ASAP2: variants seen among roughly 807,000 people sequenced by gnomAD.
ASAP2 encodes the protein arf-GAP with SH3 domain, ANK repeat and PH domain-containing protein 2.
A neutral mutation model predicts 131.4 loss-of-function variants in ASAP2; 45 were observed. The ratio of observed to expected loss-of-function variants is 0.34; its 90% CI spans 0.27 to 0.44. The LOEUF is 0.44. Ranked by LOEUF, ASAP2 falls within the 20% of genes least tolerant of loss-of-function variation. The pLI is 1.00. For synonymous variants in ASAP2, 510 were observed against 503.0 expected, an observed-to-expected ratio of 1.01 and a Z score of -0.19; for missense variants, 1,011 against 1,297.0, an observed-to-expected ratio of 0.78 and a Z score of 3.39.
At chr2:9,400,259 G>GCC (rs1275945701) in intron 25 of ASAP2, among the ~76,000 whole-genome samples, 187 bp downstream of exon 25, 5 of 94,010 alleles carry the variant, frequency 5.3e-5, no homozygotes, top group Non-Finnish European at 8.6e-5. Flanking sequence ...TTCCCCTCCT[G>GCC]CCCTCTTCCT....
intron 1 of ASAP2, among the ~76,000 whole-genome samples, chr2:9,228,336 A>G (rs1243224589): frequency 2.6e-5 from 4 of 152,088 alleles, no homozygotes; most frequent in Admixed American, 2.0e-4. Context: ...TCTTTTTTTC[A>G]CATCCTGCCT....
chr2:9,294,161 G>C lies in ASAP2; in HGVS notation c.200-3139G>C, dbSNP rs1197433003. Among the ~76,000 whole-genome samples the C allele has an allele frequency of 2.0e-5, 3 of 151,970 alleles. No homozygotes were observed. In the East Asian group the frequency reaches 5.8e-4, roughly 29 times the overall value. On this transcript the variant is annotated intron_variant, in intron 2 of 27. Transcript: ENST00000281419. ...TTACAGGCATGTGCCACCATGCCTG[G>C]CTAATTTTTGTATTTTTAGTAGAGA...
chr2:9,254,526 G>T (rs56035447), intron 1 of ASAP2, among the ~76,000 whole-genome samples: 88,755 of 103,462 alleles, frequency 0.86, 37,041 homozygotes, highest in East Asian at 0.98. Context: ...CTAATTTTTG[G>T]ATTTTTTTTT....
In ASAP2 at chr2:9,374,870, G is replaced by C. The variant is rs150271421; in HGVS notation, c.1672G>C (p.Asp558His). 6.2e-7 allele frequency: 1 copy of C among 1,613,590 alleles called. No individual in the cohort carries two copies. The highest frequency in any genetic ancestry group is 1.3e-5 in the African/African-American group (1 of 74,804). The change falls in exon 17 of 28, where the codon GAT (aspartate) becomes CAT (histidine). Residue 558 changes from aspartate (D) to histidine (H), a missense_variant. Physicochemically the swap from Asp to His is moderately conservative, Grantham distance 81 (BLOSUM62 -1). Around this residue, in one of 2 missense-constraint regions of ASAP2, gnomAD observed 652 missense variants for 698.9 expected, o/e 0.93. Coordinates refer to ENST00000281419, the MANE Select transcript of ASAP2 (RefSeq NM_003887.3). Reference protein sequence around the residue: ...HSLCEAVKTRDIFGLLQAYAD... With the variant: ...HSLCEAVKTRHIFGLLQAYAD... ...TCTTTGCGAGGCCGTCAAAACGAGA[G>C]ATATTTTTGGATTGCTCCAAGCTTA...
At chr2:9,361,146 G>A (rs965994614) in intron 15 of ASAP2, among the ~76,000 whole-genome samples, 1 of 152,218 alleles carries the variant, frequency 6.6e-6, no homozygotes, top group Non-Finnish European at 1.5e-5. Flanking sequence ...CACCCACAAT[G>A]AGAAATCAGC....
chr2:9,270,813 G>A (rs1398182321), intron 1 of ASAP2, among the ~76,000 whole-genome samples: 1 of 51,296 alleles, frequency 1.9e-5, no homozygotes, highest in African/African-American at 7.8e-5. Context: ...TTTTTTTTGA[G>A]ACGGAGTCTC....
chr2:9,317,243 A>G (rs564385786), intron 3 of ASAP2, among the ~76,000 whole-genome samples: 2 of 149,552 alleles, frequency 1.3e-5, no homozygotes, highest in South Asian at 4.3e-4. Context: ...AACCACACTC[A>G]TACACACCCC....
chr2:9,329,441 AGGCAAGTAG>A (rs566603827), intron 7 of ASAP2, among the ~76,000 whole-genome samples: 79 of 152,268 alleles, frequency 5.2e-4, no homozygotes, highest in African/African-American at 1.6e-3. Flanking sequence ...CTCATGGGGG[AGGCAAGTAG>A]GAAACACGAG....
intron 16 of ASAP2, among the ~76,000 whole-genome samples, chr2:9,372,104 C>T (rs1454285257): frequency 2.0e-5 from 3 of 152,212 alleles, no homozygotes; most frequent in Non-Finnish European, 4.4e-5. Flanking sequence ...AAAGGAAGTC[C>T]ACTTTCTCTC....
intron 1 of ASAP2, among the ~76,000 whole-genome samples, chr2:9,231,180 T>C (rs1013546773): frequency 3.3e-5 from 5 of 152,152 alleles, no homozygotes; most frequent in Non-Finnish European, 7.4e-5. Context: ...TTCTCTCTGC[T>C]GGAAGGGTTT....
intron 3 of ASAP2, among the ~76,000 whole-genome samples, chr2:9,312,722 G>C (rs950699300): frequency 1.3e-5 from 2 of 152,036 alleles, no homozygotes; most frequent in African/African-American, 4.8e-5. Flanking sequence ...CCATTCACCC[G>C]AGGGGAGAGG....
At chr2:9,357,668 A>C (rs1003401990) in intron 14 of ASAP2, among the ~76,000 whole-genome samples, 1 of 152,226 alleles carries the variant, frequency 6.6e-6, no homozygotes, top group East Asian at 1.9e-4. Context: ...TGTGGGTAAT[A>C]TAAAAATGAT....
chr2:9,222,009 T>C (rs1455254457), intron 1 of ASAP2, among the ~76,000 whole-genome samples: 1 of 151,884 alleles, frequency 6.6e-6, no homozygotes, highest in Non-Finnish European at 1.5e-5. Flanking sequence ...ACCATGGTCT[T>C]GATCTCCTGA....
chr2:9,229,788 A>G (rs1663027633), intron 1 of ASAP2, among the ~76,000 whole-genome samples: 1 of 152,164 alleles, frequency 6.6e-6, no homozygotes, highest in African/African-American at 2.4e-5. Context: ...AGAGGGGGAG[A>G]CAGGCTGTCT....
intron 1 of ASAP2, among the ~76,000 whole-genome samples, chr2:9,243,015 G>A (rs1052373734): frequency 4.6e-5 from 7 of 152,120 alleles, no homozygotes; most frequent in East Asian, 3.9e-4. Flanking sequence ...AAGTATTATC[G>A]GGAGAAGAAG....
Position 9,217,086 on chromosome 2 carries a change from G to C in ASAP2, c.126+9856G>C, listed in dbSNP as rs1177606019. Among the ~76,000 whole-genome samples, 1 of 152,156 alleles carries C rather than the reference G, an allele frequency of 6.6e-6. No individual in the cohort carries two copies. The highest frequency in any genetic ancestry group is 1.5e-5 in the Non-Finnish European group (1 of 68,036). The stretch of plus-strand genomic sequence containing the variant: ...TGAAGCCAGGATTCATTCAAATCAA[G>C]CATTTTGACACCAGAGTCTGCTATT... On this transcript the variant is annotated intron_variant, in intron 1 of 27. Coordinates refer to ENST00000281419, the MANE Select transcript of ASAP2 (RefSeq NM_003887.3). This position sits in a 1 kb window ranked among gnomAD's most constrained non-coding sequence, Gnocchi z 4.0.
At position 9,404,316 on chromosome 2, in the gene ASAP2, G is replaced by C. The variant is rs1677005797; in HGVS notation, c.*989G>C. ...ACAGGAATGGTAGTCACACTGTCTT[G>C]AAATTGAATCTGTCCATCTGTTTAT... On this transcript the variant is annotated 3_prime_UTR_variant, in exon 28 of 28. Coordinates refer to ENST00000281419, the MANE Select transcript of ASAP2 (RefSeq NM_003887.3). 1 of 152,196 alleles carries C rather than the reference G, an allele frequency of 6.6e-6. No individual in the cohort carries two copies. The highest frequency in any genetic ancestry group is 6.5e-5 in the Admixed American group (1 of 15,284). 9.4% of individuals were successfully genotyped at this position (152,196 alleles called of 1,614,324 possible).
intron 18 of ASAP2, among the ~76,000 whole-genome samples, chr2:9,377,974 G>T (rs1387051428): frequency 6.6e-6 from 1 of 152,158 alleles, no homozygotes; most frequent in East Asian, 1.9e-4. Flanking sequence ...GCTGCGTGAT[G>T]CCTCTCCCTC....
intron 1 of ASAP2, among the ~76,000 whole-genome samples, chr2:9,263,709 T>G (rs1202441114): frequency 6.6e-6 from 1 of 152,084 alleles, no homozygotes; most frequent in African/African-American, 2.4e-5. Flanking sequence ...TCATGCGTCG[T>G]TTTTTCATAG....
Sources: allele counts gnomAD v4.1 joint callset (sites outside exome capture counted in the v4.1 genomes callset), GRCh38; gene constraint gnomAD v4.1.1; regional missense constraint gnomAD v4.1.1; non-coding constraint Gnocchi (gnomAD v3.1); transcripts MANE v1.5; gene names NCBI Gene and HGNC (gene_info 2026-07-23, HGNC 2026-07-21).